The following RTL9 variants were observed in gnomAD, a reference collection of about 807,000 sequenced individuals.
RTL9 encodes retrotransposon Gag like 9.
RTL9 carries 19 observed loss-of-function variants against 44.7 expected under a neutral mutation model. The observed-to-expected ratio is 0.42, with a 90% CI of 0.30 to 0.62. The LOEUF is 0.62. Among genes scored for constraint, RTL9 ranks in the 20% least tolerant of loss-of-function variants. The probability of loss-of-function intolerance (pLI) is 0.16; values close to 1 mark genes in which losing one functional copy is unlikely to be tolerated. For synonymous variants in RTL9, 407 were observed against 398.9 expected (o/e 1.02, Z -0.24); for missense variants, 1,105 against 1,080.6 (o/e 1.02, Z -0.32).
intron 1 of RTL9, among the ~76,000 whole-genome samples, chrX:110,377,747 C>T (rs2068386908): frequency 9.0e-6 from 1 of 111,411 alleles, no homozygotes; most frequent in African/African-American, 3.3e-5. Context: ...ATATCTACCT[C>T]CATCTCAATC....
At chrX:110,419,829 CA>C (rs1389332453) in intron 1 of RTL9, among the ~76,000 whole-genome samples, 1 of 112,216 alleles carries the variant, frequency 8.9e-6, no homozygotes, top group African/African-American at 3.2e-5. Flanking sequence ...TGAAATTAAA[CA>C]AAAGAAATAA....
At position 110,405,096 on chromosome X, in the gene RTL9, C is replaced by G. The variant is rs116827927; in HGVS notation, c.-167-40057C>G. Among the ~76,000 whole-genome samples, 204 of 99,612 alleles carry G rather than the reference C, an allele frequency of 2.0e-3. 2 individuals carry two copies. In the South Asian group the frequency reaches 0.038, roughly 19 times the overall value. The allele number at this position is 99,612 out of a possible 115,157, so 86.5% of individuals were successfully genotyped here. A position where few individuals can be genotyped will look rare whatever the true frequency, so the allele number is the denominator to read the frequency against. On this transcript the variant is annotated intron_variant, in intron 1 of 2. Coordinates refer to the RTL9 transcript ENST00000520821. ...CAGGTGTGCTTGTTGTGTCCCCCCCCCCCCCAAGCATGAGTCAGAGCCTTT... is the reference window on the plus strand; with the variant it reads ...CAGGTGTGCTTGTTGTGTCCCCCCCGCCCCCAAGCATGAGTCAGAGCCTTT...
intron 1 of RTL9, among the ~76,000 whole-genome samples, chrX:110,413,461 C>T (rs1162509893): frequency 1.8e-5 from 2 of 110,537 alleles, no homozygotes; most frequent in Non-Finnish European, 3.8e-5. Flanking sequence ...CTCATGCCAT[C>T]TGGCTACTTC....
intron 1 of RTL9, among the ~76,000 whole-genome samples, chrX:110,413,648 C>T (rs1212370326): frequency 9.2e-6 from 1 of 109,094 alleles, no homozygotes; most frequent in African/African-American, 3.4e-5. Context: ...CTCATCCTAG[C>T]CTTACCATGC....
intron 1 of RTL9, among the ~76,000 whole-genome samples, chrX:110,385,561 T>G (rs1042521101): frequency 2.7e-5 from 3 of 111,892 alleles, no homozygotes; most frequent in African/African-American, 9.7e-5. Context: ...TAACCTACTT[T>G]CTGTCTGTAT....
intron 1 of RTL9, among the ~76,000 whole-genome samples, chrX:110,377,906 G>A (rs754493459): frequency 8.0e-4 from 85 of 106,052 alleles, no homozygotes; most frequent in African/African-American, 2.7e-3. Flanking sequence ...CTACTCGGGA[G>A]GCTGAGGCAG....
chrX:110,364,881 T>A (rs1187706598), intron 1 of RTL9, among the ~76,000 whole-genome samples: 1 of 112,494 alleles, frequency 8.9e-6, no homozygotes, highest in East Asian at 2.8e-4. Context: ...AAATATTCCC[T>A]GTAGTGCCAA....
rs1325072377 is a variant in RTL9, at chrX:110,423,453, G to A, written c.-168+4318G>A. ...GGTGGCATCATGACTTCTCTGCTAG[G>A]GTTAATTGCTCAGCCTGAGAGGCTC... On this transcript the variant is annotated intron_variant, in intron 1 of 3. Transcript: ENST00000465301. Among the ~76,000 whole-genome samples, 3 of 112,128 alleles carry A rather than the reference G, an allele frequency of 2.7e-5. No individual in the cohort carries two copies. In the Admixed American group the frequency reaches 2.8e-4, roughly 11 times the overall value.
intron 1 of RTL9, among the ~76,000 whole-genome samples, chrX:110,374,154 A>G (rs1297501306): frequency 1.8e-5 from 2 of 112,073 alleles, no homozygotes; most frequent in Non-Finnish European, 3.8e-5. Context: ...GATTAAAACC[A>G]TGTACCTAGT....
intron 1 of RTL9, among the ~76,000 whole-genome samples, chrX:110,422,284 G>A (rs1306874893): frequency 2.7e-5 from 3 of 112,862 alleles, no homozygotes; most frequent in Non-Finnish European, 5.6e-5. Context: ...GACAAGCTGG[G>A]CTCCCTTTTC....
chrX:110,415,551 G>A (rs2068671524), upstream of RTL9, among the ~76,000 whole-genome samples: 1 of 111,775 alleles, frequency 8.9e-6, no homozygotes, highest in East Asian at 2.8e-4. Context: ...TTGATGCCCA[G>A]TGTACTCTGC....
intron 1 of RTL9, among the ~76,000 whole-genome samples, chrX:110,370,034 T>G (rs1183384083): frequency 9.0e-6 from 1 of 110,601 alleles, no homozygotes; most frequent in Non-Finnish European, 1.9e-5. Flanking sequence ...CTATATTGAG[T>G]CTGAATCTGC....
At chrX:110,422,926 A>G (rs1220408414) in intron 1 of RTL9, among the ~76,000 whole-genome samples, 1 of 112,455 alleles carries the variant, frequency 8.9e-6, no homozygotes, top group African/African-American at 3.2e-5. Flanking sequence ...TCCAAACAAG[A>G]ACTGGGGGCT....
intron 1 of RTL9, among the ~76,000 whole-genome samples, chrX:110,369,879 A>AT (rs1446794578): frequency 9.0e-6 from 1 of 111,652 alleles, no homozygotes; most frequent in Non-Finnish European, 1.9e-5. Context: ...TGGAGTCCAT[A>AT]TATGGGTTTC....
At chrX:110,426,694 A>T (rs1367731226) in intron 1 of RTL9, 1 of 111,923 alleles carries the variant, frequency 8.9e-6, no homozygotes, top group Non-Finnish European at 1.9e-5. Context: ...TCATACCTGG[A>T]GCTCGGGTGG....
intron 1 of RTL9, among the ~76,000 whole-genome samples, chrX:110,379,153 C>A (rs145045038): frequency 1.8e-5 from 2 of 111,670 alleles, no homozygotes; most frequent in Admixed American, 9.5e-5. Flanking sequence ...TTTCAGTGTA[C>A]CTTTCAATTG....
At chrX:110,377,289 T>A (rs1387886109) in intron 1 of RTL9, among the ~76,000 whole-genome samples, 1 of 111,592 alleles carries the variant, frequency 9.0e-6, no homozygotes, top group African/African-American at 3.3e-5. Context: ...AATCTTAATA[T>A]CTTTCTATTT....
At chrX:110,359,065 C>T (rs1940200310) in intron 1 of RTL9, 149 bp downstream of exon 1, 1 of 111,584 alleles carries the variant, frequency 9.0e-6, no homozygotes, top group African/African-American at 3.3e-5. Context: ...ATTATTGCCC[C>T]CATAATACAT....
At chrX:110,364,289 C>A (rs73636960) in intron 1 of RTL9, among the ~76,000 whole-genome samples, 7,131 of 111,524 alleles carry the variant, frequency 0.064, 552 homozygotes, top group African/African-American at 0.22. Flanking sequence ...CTCATGTAGA[C>A]ATCCTTATCT....
Sources: gnomAD v4.1 joint callset for allele counts (sites outside exome capture counted in the v4.1 genomes callset) on GRCh38, gnomAD v4.1.1 for gene constraint, MANE v1.5 for transcripts, NCBI Gene and HGNC (gene_info 2026-07-23, HGNC 2026-07-21) for gene names.